Variants in RICTOR observed in about 807,000 individuals in gnomAD.
The protein encoded by RICTOR is rapamycin-insensitive companion of mTOR.
In RICTOR, 49 loss-of-function variants were observed where a neutral mutation model predicts 214.9. The observed-to-expected ratio is 0.23, with a 90% CI of 0.18 to 0.29. The LOEUF is 0.29. Among genes scored for constraint, RICTOR ranks in the 10% least tolerant of loss-of-function variants. The pLI is 1.00. For missense variants in RICTOR, 1,625 were observed against 2,047.0 expected, an observed-to-expected ratio of 0.79 and a Z score of 3.98; for synonymous variants, 717 against 711.3, an observed-to-expected ratio of 1.01 and a Z score of -0.13.
intron 2 of RICTOR, among the ~76,000 whole-genome samples, chr5:39,068,031 T>A (rs1360430805): frequency 6.6e-6 from 1 of 151,908 alleles, no homozygotes; most frequent in African/African-American, 2.4e-5. Flanking sequence ...AGAACTAAAG[T>A]AAGACAATGG....
At chr5:39,058,896 AAC>A (rs977096338) in intron 2 of RICTOR, among the ~76,000 whole-genome samples, 1 of 152,234 alleles carries the variant, frequency 6.6e-6, no homozygotes, top group African/African-American at 2.4e-5. Context: ...TTTTTCATTA[AAC>A]AGTCATTCAA....
Position 38,967,178 on chromosome 5 carries a change from G to C in RICTOR, c.1201C>G (p.Arg401Gly). ...YLALILSAFIRNGLLEGLVEV... is the reference protein window; with the variant it reads ...YLALILSAFIGNGLLEGLVEV... ...AGTCTTACCTCTAAAAGTCCATTAC[G>C]AATAAATGCAGAGAGTATCAGTGCC... is the stretch of plus-strand genomic sequence containing the variant. Residue 401 changes from arginine (R) to glycine (G), a missense_variant, in exon 14 of 38, where the codon CGT (arginine) becomes GGT (glycine). Around this residue, in one of 5 missense-constraint regions of RICTOR, gnomAD observed 1,214 missense variants for 1,470.5 expected, o/e 0.83. Transcript: ENST00000357387. 6.2e-7 allele frequency: 1 copy of C among 1,608,820 alleles called. No individual in the cohort carries two copies. Among genetic ancestry groups the C allele is most frequent in the Non-Finnish European group, 8.5e-7 (1 of 1,175,288 alleles).
intron 31 of RICTOR, among the ~76,000 whole-genome samples, chr5:38,949,130 T>C (rs1398173119): frequency 6.6e-6 from 1 of 152,074 alleles, no homozygotes; most frequent in East Asian, 1.9e-4. Context: ...TGTGTATCTT[T>C]TAAAAGTAAA....
intron 2 of RICTOR, among the ~76,000 whole-genome samples, chr5:39,054,506 T>G (rs945774425): frequency 6.6e-6 from 1 of 152,230 alleles, no homozygotes; most frequent in Non-Finnish European, 1.5e-5. Flanking sequence ...CAAGGATAGA[T>G]TCAACATCTA....
intron 32 of RICTOR, 139 bp downstream of exon 32, chr5:38,947,125 T>C (rs1229325546): frequency 3.2e-6 from 2 of 619,116 alleles, no homozygotes; most frequent in African/African-American, 3.7e-5. Flanking sequence ...TCTTAAAGTT[T>C]CTTTAAACAA....
At chr5:39,056,297 G>A (rs769125564) in intron 2 of RICTOR, among the ~76,000 whole-genome samples, 5 of 152,134 alleles carry the variant, frequency 3.3e-5, no homozygotes, top group Non-Finnish European at 5.9e-5. Context: ...AGGGAGACAA[G>A]AAATATATAC....
chr5:39,068,572 GT>G (rs1028299182), intron 2 of RICTOR, among the ~76,000 whole-genome samples: 1 of 152,102 alleles, frequency 6.6e-6, no homozygotes, highest in African/African-American at 2.4e-5. Flanking sequence ...GTTTTGTTTT[GT>G]TTTTTTATTT....
chr5:38,976,453 T>G (rs572521149), intron 9 of RICTOR, among the ~76,000 whole-genome samples: 1 of 152,034 alleles, frequency 6.6e-6, no homozygotes, highest in Admixed American at 6.5e-5. Flanking sequence ...GAGCAATTAG[T>G]CTACAAAAGT....
chr5:38,943,130 G>A, intron 36 of RICTOR, 159 bp from the exon 37 acceptor site: 1 of 499,188 alleles, frequency 2.0e-6, no homozygotes, highest in African/African-American at 2.0e-5. Flanking sequence ...AAATATTCCT[G>A]TCACACACTT....
intron 7 of RICTOR, among the ~76,000 whole-genome samples, chr5:38,985,506 GATT>G (rs1752096643): frequency 6.6e-6 from 1 of 152,080 alleles, no homozygotes; most frequent in African/African-American, 2.4e-5. Flanking sequence ...CTTTTTATTG[GATT>G]GTTCTGGCAC....
rs983391552 is a variant in RICTOR, at chr5:38,939,782, T to G, written c.*2522A>C. On this transcript the variant is annotated 3_prime_UTR_variant, in exon 38 of 38. Transcript: ENST00000357387. ...TTGACATTATTTTGGTATTCTATAG[T>G]CTGTAATATCTATTATTTATAGATG... is the stretch of plus-strand genomic sequence containing the variant. The G allele has an allele frequency of 4.4e-6, 1 of 226,568 alleles. No individual in the cohort carries two copies. The highest frequency in any genetic ancestry group is 2.2e-5 in the African/African-American group (1 of 45,024). 14.0% of individuals were successfully genotyped at this position (226,568 alleles called of 1,614,324 possible). A position where few individuals can be genotyped will look rare whatever the true frequency, so the allele number is the denominator to read the frequency against.
chr5:38,967,223 C>G lies in RICTOR; in HGVS notation c.1156G>C (p.Asp386His), dbSNP rs2150032322. 1.9e-6 allele frequency: 3 copies of G among 1,612,822 alleles called. No individual in the cohort carries two copies. Among genetic ancestry groups the G allele is most frequent in the Non-Finnish European group, 1.7e-6 (2 of 1,178,868 alleles). The change falls in exon 14 of 38, where the codon GAC (aspartate) becomes CAC (histidine). Residue 386 changes from aspartate (D) to histidine (H), a missense_variant. Around this residue, in one of 5 missense-constraint regions of RICTOR, gnomAD observed 1,214 missense variants for 1,470.5 expected, o/e 0.83. Transcript: ENST00000357387. Reference protein sequence around the residue: ...ILPHRARSRPDLMDNYLALIL... With the variant: ...ILPHRARSRPHLMDNYLALIL... Reference sequence around the variant, plus strand: ...AGTGCCAAATAATTATCCATGAGGTCTGGCCTGGAAAAAACAGCACAGAAA... The same window carrying G: ...AGTGCCAAATAATTATCCATGAGGTGTGGCCTGGAAAAAACAGCACAGAAA...
chr5:39,003,686 T>C, intron 3 of RICTOR, 64 bp from the exon 4 acceptor site: 1 of 946,650 alleles, frequency 1.1e-6, no homozygotes, highest in Non-Finnish European at 1.7e-6. Flanking sequence ...TTATATACAT[T>C]ATATATTTAC....
At chr5:38,961,537 T>A (rs1300081472) in intron 19 of RICTOR, among the ~76,000 whole-genome samples, 1 of 152,152 alleles carries the variant, frequency 6.6e-6, no homozygotes, top group Non-Finnish European at 1.5e-5. Flanking sequence ...TTCAATTTCA[T>A]GCACTACAAT....
chr5:39,014,421 G>A (rs1754781086), intron 3 of RICTOR, among the ~76,000 whole-genome samples: 1 of 151,958 alleles, frequency 6.6e-6, no homozygotes, highest in Non-Finnish European at 1.5e-5. Flanking sequence ...GAGGTGGGTG[G>A]GAAGGGTATG....
chr5:39,002,672 T>C lies in RICTOR; in HGVS notation c.261-6A>G, dbSNP rs949735862. The C allele has an allele frequency of 4.4e-6, 7 of 1,594,376 alleles. No individual in the cohort carries two copies. In the African/African-American group the frequency reaches 6.8e-5, roughly 15 times the overall value. ...TTAATAAAGCTAACCGCAAACTGTATGAAAACAAACAAAATACAAGTTTTG... is the reference window on the plus strand; with the variant it reads ...TTAATAAAGCTAACCGCAAACTGTACGAAAACAAACAAAATACAAGTTTTG... On this transcript the variant is annotated splice_polypyrimidine_tract_variant and splice_region_variant and intron_variant, in intron 4 of 37. Transcript: ENST00000357387.
chr5:38,958,854 T>TAAAA, intron 22 of RICTOR, 23 bp from the exon 23 acceptor site: 3 of 1,248,384 alleles, frequency 2.4e-6, no homozygotes, highest in South Asian at 1.7e-5. Context: ...ATGAATACAT[T>TAAAA]AAAAAAAAAA....
Position 38,945,471 on chromosome 5 carries a change from G to C in RICTOR, c.4633+20C>G, listed in dbSNP as rs943427405. 11 of 1,513,742 alleles carry C rather than the reference G, an allele frequency of 7.3e-6. No homozygotes were observed. In the Admixed American group the frequency reaches 1.4e-4, roughly 19 times the overall value. The allele number at this position is 1,513,742 out of a possible 1,614,324, so 93.8% of individuals were successfully genotyped here. The stretch of plus-strand genomic sequence containing the variant: ...TTAGTCATCACTAGGTTTTTCTGAA[G>C]GTGGGACGTGATCACTTACCTGAAT... On this transcript the variant is annotated intron_variant, in intron 34 of 37. Transcript: ENST00000357387.
At chr5:39,072,150 T>C (rs1759370395) in intron 2 of RICTOR, among the ~76,000 whole-genome samples, 3 of 152,350 alleles carry the variant, frequency 2.0e-5, no homozygotes, top group Middle Eastern at 3.4e-3. Context: ...CAGTTTTAAA[T>C]GGCTGTGTAT....
Sources: allele counts gnomAD v4.1 joint callset (sites outside exome capture counted in the v4.1 genomes callset), GRCh38; gene constraint gnomAD v4.1.1; regional missense constraint gnomAD v4.1.1; transcripts MANE v1.5; gene names NCBI Gene and HGNC (gene_info 2026-07-23, HGNC 2026-07-21).